The following JAM3 variants were observed in gnomAD, a reference collection of about 807,000 sequenced individuals.
JAM3 encodes junctional adhesion molecule 3, also known as junctional adhesion molecule C.
JAM3 carries 31 observed loss-of-function variants against 39.4 expected under a neutral mutation model. The observed-to-expected ratio is 0.79, with a 90% CI of 0.59 to 1.06. The LOEUF (loss-of-function observed/expected upper bound fraction) is 1.06. Ranked by LOEUF, JAM3 falls within the 50% of genes least tolerant of loss-of-function variation. The pLI is 0.00. For missense variants in JAM3, 455 were observed against 391.4 expected, an observed-to-expected ratio of 1.16 and a Z score of -1.37; for synonymous variants, 182 against 148.7, an observed-to-expected ratio of 1.22 and a Z score of -1.63.
intron 1 of JAM3, among the ~76,000 whole-genome samples, chr11:134,084,572 T>G (rs569763161): frequency 1.3e-5 from 2 of 152,312 alleles, no homozygotes; most frequent in East Asian, 3.9e-4. Context: ...AAGCTCTCAG[T>G]GTTAGGTTTT....
intron 1 of JAM3, among the ~76,000 whole-genome samples, chr11:134,089,982 CT>C (rs1941815614): frequency 2.0e-5 from 3 of 151,848 alleles, no homozygotes; most frequent in Admixed American, 1.3e-4. Context: ...TGTTTCCTGA[CT>C]TTTTAATGAT....
chr11:134,141,457 G>T (rs73042012), intron 3 of JAM3, among the ~76,000 whole-genome samples: 2 of 151,984 alleles, frequency 1.3e-5, no homozygotes, highest in Non-Finnish European at 2.9e-5. Context: ...AGGGAGGAGA[G>T]GGGGGAGAGG....
In JAM3 at chr11:134,131,046, G is replaced by T. The variant is rs1942759574; in HGVS notation, c.77-8805G>T. 2.0e-5 allele frequency among the ~76,000 whole-genome samples: 3 copies of T among 152,166 alleles called. No homozygotes were observed. In the South Asian group the frequency reaches 6.2e-4, roughly 32 times the overall value. ...TTACGACTCTCAAAAGCAGCCACAT[G>T]TATGAAGGAAAATAGAAAGCTGTGA... On this transcript the variant is annotated intron_variant, in intron 1 of 8. Coordinates refer to ENST00000299106, the MANE Select transcript of JAM3 (RefSeq NM_032801.5).
intron 1 of JAM3, among the ~76,000 whole-genome samples, chr11:134,071,915 A>G (rs937474731): frequency 7.2e-5 from 11 of 152,186 alleles, no homozygotes; most frequent in Admixed American, 2.6e-4. Context: ...GTTGATGGGC[A>G]TTTGTTCTTC....
chr11:134,110,458 G>A (rs769060185), intron 1 of JAM3, among the ~76,000 whole-genome samples: 4 of 152,168 alleles, frequency 2.6e-5, no homozygotes, highest in Non-Finnish European at 4.4e-5. Context: ...TGACTATTCA[G>A]CAATAAAAAC....
chr11:134,144,877 C>A lies in JAM3; in HGVS notation c.495C>A (p.Gly165=), dbSNP rs755233734. 2 of 1,614,130 alleles carry A rather than the reference C, an allele frequency of 1.2e-6. No homozygotes were observed. The highest frequency in any genetic ancestry group is 2.2e-5 in the South Asian group (2 of 91,080). ...MATLHCQESE[G]HPRPHYSWYR... ...CACTGCACTGCCAGGAGAGTGAGGG[C>A]CACCCCCGGCCTCACTACAGCTGGT... Residue 165 remains glycine, a synonymous_variant, in exon 5 of 9, where the codon GGC becomes GGA. Transcript: ENST00000299106.
intron 1 of JAM3, among the ~76,000 whole-genome samples, chr11:134,098,138 T>A (rs1161629667): frequency 6.6e-6 from 1 of 152,128 alleles, no homozygotes; most frequent in Non-Finnish European, 1.5e-5. Flanking sequence ...TGCTAAAGTG[T>A]CACCCAAGCT....
chr11:134,128,064 C>T (rs146616858), intron 1 of JAM3, among the ~76,000 whole-genome samples: 1 of 151,050 alleles, frequency 6.6e-6, no homozygotes, highest in African/African-American at 2.4e-5. Context: ...GTGTTGCTTA[C>T]AGTTTAAAAA....
chr11:134,105,497 G>A (rs933012014), intron 1 of JAM3, among the ~76,000 whole-genome samples: 2 of 152,104 alleles, frequency 1.3e-5, no homozygotes, highest in African/African-American at 4.8e-5. Context: ...GGAAGTTCTG[G>A]CCAGGGCAAT....
intron 1 of JAM3, among the ~76,000 whole-genome samples, chr11:134,092,074 G>T (rs1941870041): frequency 6.6e-6 from 1 of 152,004 alleles, no homozygotes; most frequent in Admixed American, 6.5e-5. Flanking sequence ...ATTCTTTAGG[G>T]GCTTTCTGTT....
Position 134,113,203 on chromosome 11 carries a change from T to G in JAM3, c.77-26648T>G, listed in dbSNP as rs1455151164. Among the ~76,000 whole-genome samples, 4 of 151,974 alleles carry G rather than the reference T, an allele frequency of 2.6e-5. No homozygotes were observed. In the East Asian group the frequency reaches 5.8e-4, roughly 22 times the overall value. ...GTTCTGGGACTGGACTGTCTGGTTT[T>G]TTTTTTTTTTAATACTTTAAGGGTA... On this transcript the variant is annotated intron_variant, in intron 1 of 8. Coordinates refer to ENST00000299106, the MANE Select transcript of JAM3 (RefSeq NM_032801.5).
intron 6 of JAM3, 112 bp from the exon 7 acceptor site, chr11:134,148,435 G>T: frequency 7.3e-7 from 1 of 1,373,894 alleles, no homozygotes. Flanking sequence ...AGGCCTGAGG[G>T]GGCAGGGGGC....
rs1387168903 is a variant in JAM3 at position 134,148,595 on chromosome 11, C to G, written c.761C>G (p.Ala254Gly). Reference sequence around the variant, plus strand: ...ATTGGGGGGGTTCTGGTTGTCCTTGCTGTACTGGCCCTGATCACGTTGGGC... The same window carrying G: ...ATTGGGGGGGTTCTGGTTGTCCTTGGTGTACTGGCCCTGATCACGTTGGGC... ...GIIGGVLVVLAVLALITLGIC... is the reference protein window; with the variant it reads ...GIIGGVLVVLGVLALITLGIC... The change falls in exon 7 of 9, where the codon GCT becomes GGT. Residue 254 changes from alanine (A) to glycine (G), a missense_variant. Transcript: ENST00000299106. 1 of 1,614,168 alleles carries G rather than the reference C, an allele frequency of 6.2e-7. No individual in the cohort carries two copies. The highest frequency in any genetic ancestry group is 1.7e-5 in the Admixed American group (1 of 60,016).
At chr11:134,148,514 A>G in intron 6 of JAM3, 33 bp from the exon 7 acceptor site, 1 of 1,614,130 alleles carries the variant, frequency 6.2e-7, no homozygotes, top group Non-Finnish European at 8.5e-7. Context: ...GATAGTGTGT[A>G]TCATGGCTTC....
At chr11:134,120,173 C>T (rs1297001954) in intron 1 of JAM3, among the ~76,000 whole-genome samples, 2 of 152,174 alleles carry the variant, frequency 1.3e-5, no homozygotes, top group South Asian at 2.1e-4. Flanking sequence ...TGTACAGCAG[C>T]GGTCTGCTGT....
rs578066783 is a variant in JAM3, at chr11:134,069,573, T to C, written c.76+414T>C. ...TGGGCTCATCCCCCGGGTGGGCTCC[T>C]CCCAGGCGGGGTCCTGTGCTGGGCG... On this transcript the variant is annotated intron_variant, in intron 1 of 8. Transcript: ENST00000299106. 6.1e-4 allele frequency among the ~76,000 whole-genome samples: 92 copies of C among 151,592 alleles called. 2 individuals are homozygous for C. Among genetic ancestry groups the C allele is most frequent in the Non-Finnish European group, 1.2e-3 (80 of 67,902 alleles).
Position 134,148,630 on chromosome 11 carries a change from G to A in JAM3, c.796G>A (p.Ala266Thr), listed in dbSNP as rs771169059. ...CCTGATCACGTTGGGCATCTGCTGT[G>A]CATACAGACGTGGCTACTTCATCAA... ...LALITLGICCAYRRGYFINNK... is the reference protein window; with the variant it reads ...LALITLGICCTYRRGYFINNK... Residue 266 changes from alanine (A) to threonine (T), a missense_variant, in exon 7 of 9, where the codon GCA becomes ACA. Transcript: ENST00000299106. 6.2e-7 allele frequency: 1 copy of A among 1,614,172 alleles called. No individual in the cohort carries two copies. The highest frequency in any genetic ancestry group is 1.7e-5 in the Admixed American group (1 of 60,024).
intron 4 of JAM3, among the ~76,000 whole-genome samples, 192 bp downstream of exon 4, chr11:134,144,585 C>T (rs1435973855): frequency 6.6e-6 from 1 of 152,158 alleles, no homozygotes; most frequent in African/African-American, 2.4e-5. Flanking sequence ...CTGTCACTTC[C>T]TTCCACCAGC....
intron 1 of JAM3, among the ~76,000 whole-genome samples, chr11:134,076,981 C>T (rs989131968): frequency 1.3e-5 from 2 of 151,928 alleles, no homozygotes; most frequent in Non-Finnish European, 1.5e-5. Flanking sequence ...ATTACAGGCT[C>T]CTGCCATCAT....
Sources: allele counts gnomAD v4.1 joint callset (sites outside exome capture counted in the v4.1 genomes callset), GRCh38; gene constraint gnomAD v4.1.1; transcripts MANE v1.5; gene names NCBI Gene and HGNC (gene_info 2026-07-23, HGNC 2026-07-21).